The following MAP4K3 variants were observed in gnomAD, a reference collection of about 807,000 sequenced individuals.
MAP4K3 encodes the protein MAPK/ERK kinase kinase kinase 3.
Under a neutral mutation model 143.5 loss-of-function variants are expected in MAP4K3, and 94 were observed. That is an observed-to-expected ratio of 0.65 (90% CI 0.55 to 0.78). The LOEUF (loss-of-function observed/expected upper bound fraction) is 0.78, where lower values mean the gene tolerates loss of function less well. MAP4K3 is among the 30% of genes least tolerant of loss of function. The probability of loss-of-function intolerance (pLI) is 0.00; values close to 1 mark genes in which losing one functional copy is unlikely to be tolerated. For missense variants in MAP4K3, 1,077 were observed against 1,068.1 expected (o/e 1.01, Z -0.12); for synonymous variants, 416 against 347.2 (o/e 1.20, Z -2.20).
Position 39,336,913 on chromosome 2 carries a change from T to C in MAP4K3, c.414+7A>G, listed in dbSNP as rs753367981. The C allele has an allele frequency of 1.4e-4, 162 of 1,187,792 alleles. 1 individual carries two copies. Among genetic ancestry groups the C allele is most frequent in the Non-Finnish European group, 1.8e-4 (151 of 837,402 alleles). The allele number at this position is 1,187,792 out of a possible 1,614,324, so 73.6% of individuals were successfully genotyped here. A position where few individuals can be genotyped will look rare whatever the true frequency, so the allele number is the denominator to read the frequency against. On this transcript the variant is annotated splice_region_variant and intron_variant, in intron 6 of 33. Coordinates refer to ENST00000263881, the MANE Select transcript of MAP4K3 (RefSeq NM_003618.4). ...GAGGGTTATTATGTTAAAAATATAA[T>C]GTATACCTTTATATCTCTGTGCATT...
rs1184380132 is a variant in MAP4K3 at position 39,323,838 on chromosome 2, T to G, written c.918+1680A>C. 2.0e-5 allele frequency: 3 copies of G among 152,150 alleles called. No homozygotes were observed. In the East Asian group the frequency reaches 5.8e-4, roughly 29 times the overall value. 9.4% of individuals were successfully genotyped at this position (152,150 alleles called of 1,614,324 possible). ...TAACTCTCGATGATTCTAATATTTA[T>G]AATACACTGTAAATAATAGTTTTAC... On this transcript the variant is annotated intron_variant, in intron 12 of 33. Coordinates refer to ENST00000263881, the MANE Select transcript of MAP4K3 (RefSeq NM_003618.4).
chr2:39,375,102 A>T (rs1666181934), intron 2 of MAP4K3, among the ~76,000 whole-genome samples: 1 of 152,156 alleles, frequency 6.6e-6, no homozygotes. Flanking sequence ...CTCTACAAAA[A>T]ATAAAAATTA....
intron 3 of MAP4K3, among the ~76,000 whole-genome samples, chr2:39,343,809 T>C (rs1372974593): frequency 6.6e-6 from 1 of 152,154 alleles, no homozygotes; most frequent in Admixed American, 6.5e-5. Context: ...GTATACTACT[T>C]TGATAGCACT....
chr2:39,265,503 T>C lies in MAP4K3; in HGVS notation c.2033-197A>G, dbSNP rs570095270. 4.5e-4 allele frequency among the ~76,000 whole-genome samples: 68 copies of C among 152,352 alleles called. 1 individual carries two copies. In the South Asian group the frequency reaches 7.7e-3, roughly 17 times the overall value. On this transcript the variant is annotated intron_variant, in intron 27 of 33. Coordinates refer to ENST00000263881, the MANE Select transcript of MAP4K3 (RefSeq NM_003618.4). Reference sequence around the variant, plus strand: ...CAGGTAATAGCAGGAAATGCCCTCTTAACTTGCAGGATTTTTATTTGTATG... The same window carrying C: ...CAGGTAATAGCAGGAAATGCCCTCTCAACTTGCAGGATTTTTATTTGTATG...
At chr2:39,334,330 T>C (rs1005050325) in intron 6 of MAP4K3, among the ~76,000 whole-genome samples, 9 of 151,966 alleles carry the variant, frequency 5.9e-5, no homozygotes, top group African/African-American at 2.2e-4. Flanking sequence ...TGGTCCAAGG[T>C]GCCATCAATC....
At chr2:39,428,684 A>T (rs1665176960) in intron 1 of MAP4K3, among the ~76,000 whole-genome samples, 1 of 151,592 alleles carries the variant, frequency 6.6e-6, no homozygotes. Context: ...CTCTGCCTCA[A>T]AAAAAAAATC....
chr2:39,278,842 G>C (rs1681387811), intron 23 of MAP4K3, among the ~76,000 whole-genome samples: 1 of 152,022 alleles, frequency 6.6e-6, no homozygotes. Flanking sequence ...ATAAAATCGA[G>C]AGTGGCTGAT....
Position 39,260,787 on chromosome 2 carries a change from G to A in MAP4K3, c.2137-10C>T, listed in dbSNP as rs1439373628. The A allele has an allele frequency of 1.9e-6, 3 of 1,587,452 alleles. No individual in the cohort carries two copies. Among genetic ancestry groups the A allele is most frequent in the South Asian group, 2.3e-5 (2 of 87,930 alleles). ...TAGGAAAATCTATGTGCTAGAGAAAGAAACAAAAATACATTAAACCAAGGA... is the reference window on the plus strand; with the variant it reads ...TAGGAAAATCTATGTGCTAGAGAAAAAAACAAAAATACATTAAACCAAGGA... On this transcript the variant is annotated splice_polypyrimidine_tract_variant and intron_variant, in intron 28 of 33. Coordinates refer to ENST00000263881, the MANE Select transcript of MAP4K3 (RefSeq NM_003618.4).
At chr2:39,312,627 T>C (rs1344951871) in intron 13 of MAP4K3, among the ~76,000 whole-genome samples, 7 of 152,202 alleles carry the variant, frequency 4.6e-5, no homozygotes, top group African/African-American at 1.4e-4. Context: ...TGGGTGTGTA[T>C]ATGCTTTTAA....
At chr2:39,421,707 T>A (rs752638384) in intron 1 of MAP4K3, among the ~76,000 whole-genome samples, 9 of 152,214 alleles carry the variant, frequency 5.9e-5, no homozygotes, top group African/African-American at 9.7e-5. Context: ...GTTATTAATA[T>A]CTAATGTTCT....
chr2:39,320,559 T>C (rs1262659581), intron 12 of MAP4K3, among the ~76,000 whole-genome samples: 1 of 152,156 alleles, frequency 6.6e-6, no homozygotes, highest in African/African-American at 2.4e-5. Flanking sequence ...TCCTCTATTT[T>C]CTTTCCTTTT....
At chr2:39,411,438 T>C (rs955612610) in intron 1 of MAP4K3, among the ~76,000 whole-genome samples, 2 of 152,228 alleles carry the variant, frequency 1.3e-5, no homozygotes, top group Admixed American at 1.3e-4. Flanking sequence ...ATGGTTTCAG[T>C]GTCTTGTTTA....
chr2:39,319,212 A>AT (rs1162940372), intron 12 of MAP4K3, among the ~76,000 whole-genome samples: 1 of 152,026 alleles, frequency 6.6e-6, no homozygotes, highest in Non-Finnish European at 1.5e-5. Context: ...TTTCAAGTAT[A>AT]TACACTCAAT....
intron 12 of MAP4K3, among the ~76,000 whole-genome samples, chr2:39,317,609 T>G (rs1037198277): frequency 6.6e-6 from 1 of 152,036 alleles, no homozygotes; most frequent in Non-Finnish European, 1.5e-5. Flanking sequence ...TGACAGATAC[T>G]TTTCAAAAGA....
chr2:39,334,715 T>A (rs575573640), intron 6 of MAP4K3, among the ~76,000 whole-genome samples: 2 of 152,254 alleles, frequency 1.3e-5, no homozygotes, highest in Non-Finnish European at 2.9e-5. Context: ...CTCCCTCCTT[T>A]CCCTCCCTGA....
intron 1 of MAP4K3, among the ~76,000 whole-genome samples, chr2:39,424,254 A>G (rs759825449): frequency 4.8e-4 from 73 of 152,224 alleles, no homozygotes; most frequent in Non-Finnish European, 9.9e-4. Context: ...TGGTTCATCA[A>G]TTTTAACAAA....
At chr2:39,352,909 A>T (rs1665499680) in intron 3 of MAP4K3, among the ~76,000 whole-genome samples, 1 of 151,682 alleles carries the variant, frequency 6.6e-6, no homozygotes, top group African/African-American at 2.4e-5. Context: ...TAATAGCAAC[A>T]ACATAGAAGG....
intron 1 of MAP4K3, among the ~76,000 whole-genome samples, chr2:39,390,744 T>C (rs1206278862): frequency 6.8e-6 from 1 of 146,426 alleles, no homozygotes; most frequent in South Asian, 2.2e-4. Flanking sequence ...TAACAACATA[T>C]AAGTAGAGCA....
At chr2:39,315,786 T>C (rs1683096801) in intron 12 of MAP4K3, among the ~76,000 whole-genome samples, 1 of 152,154 alleles carries the variant, frequency 6.6e-6, no homozygotes, top group Non-Finnish European at 1.5e-5. Context: ...GGAAAGGAAA[T>C]ACAACAGTGT....
Sources: allele counts gnomAD v4.1 joint callset (sites outside exome capture counted in the v4.1 genomes callset), GRCh38; gene constraint gnomAD v4.1.1; transcripts MANE v1.5; gene names NCBI Gene and HGNC (gene_info 2026-07-23, HGNC 2026-07-21).